Variants in LDHC observed in about 807,000 individuals in gnomAD.
The protein encoded by LDHC is L-lactate dehydrogenase C chain.
LDHC carries 20 observed loss-of-function variants against 30.2 expected under a neutral mutation model. That is an observed-to-expected ratio of 0.66 (90% CI 0.47 to 0.96). The LOEUF (loss-of-function observed/expected upper bound fraction) is 0.96. Among genes scored for constraint, LDHC ranks in the 40% least tolerant of loss-of-function variants. The pLI is 0.00. For missense variants in LDHC, 362 were observed against 394.9 expected (o/e 0.92, Z 0.71); for synonymous variants, 139 against 132.7 (o/e 1.05, Z -0.32).
chr11:18,438,222 A>G (rs1848392488), intron 5 of LDHC, among the ~76,000 whole-genome samples: 2 of 152,164 alleles, frequency 1.3e-5, no homozygotes, highest in South Asian at 4.1e-4. Flanking sequence ...GATGTGTCAC[A>G]TAGTGAGGGC....
chr11:18,413,478 T>C (rs1866940770), intron 2 of LDHC, among the ~76,000 whole-genome samples: 1 of 148,458 alleles, frequency 6.7e-6, no homozygotes, highest in Non-Finnish European at 1.5e-5. Flanking sequence ...TTTTTTTTTT[T>C]TTTGAGACGG....
intron 3 of LDHC, among the ~76,000 whole-genome samples, chr11:18,429,475 G>A (rs1278055566): frequency 6.6e-6 from 1 of 152,076 alleles, no homozygotes; most frequent in East Asian, 1.9e-4. Context: ...CATAACACAG[G>A]GGAATTTGGG....
At chr11:18,432,767 T>C (rs1848290386) in intron 4 of LDHC, among the ~76,000 whole-genome samples, 1 of 152,210 alleles carries the variant, frequency 6.6e-6, no homozygotes, top group South Asian at 2.1e-4. Flanking sequence ...TTTCGTCTGA[T>C]ATGAGAGTAT....
intron 7 of LDHC, chr11:18,450,057 A>G (rs1166230357): frequency 6.6e-6 from 1 of 150,860 alleles, no homozygotes; most frequent in Non-Finnish European, 1.5e-5. Context: ...TTTTTTTTTA[A>G]CTGGGTGTCT....
intron 5 of LDHC, among the ~76,000 whole-genome samples, chr11:18,435,345 C>G (rs141545950): frequency 7.6e-4 from 115 of 152,096 alleles, no homozygotes; most frequent in African/African-American, 2.7e-3. Flanking sequence ...CACCATCTGC[C>G]TTAGTACTGT....
intron 3 of LDHC, among the ~76,000 whole-genome samples, chr11:18,416,283 C>T (rs1427694461): frequency 6.6e-6 from 1 of 151,776 alleles, no homozygotes; most frequent in Non-Finnish European, 1.5e-5. Flanking sequence ...TATAGTGAAC[C>T]AGGTTTCAAG....
chr11:18,437,725 C>T (rs1848380670), intron 5 of LDHC, among the ~76,000 whole-genome samples: 1 of 146,694 alleles, frequency 6.8e-6, no homozygotes, highest in African/African-American at 2.5e-5. Flanking sequence ...GCACTCTAGC[C>T]TGGGCGACAG....
chr11:18,419,633 A>G (rs922362545), intron 3 of LDHC, among the ~76,000 whole-genome samples: 1 of 152,260 alleles, frequency 6.6e-6, no homozygotes. Context: ...AAGAACCAGC[A>G]TAACAGAAAC....
At chr11:18,434,652 C>T in intron 4 of LDHC, 88 bp from the exon 5 acceptor site, 2 of 736,056 alleles carry the variant, frequency 2.7e-6, no homozygotes, top group Non-Finnish European at 4.7e-6. Flanking sequence ...GTATTTGACT[C>T]TAAAACAATT....
At position 18,429,758 on chromosome 11, in the gene LDHC, C is replaced by T. The variant is rs756367246; in HGVS notation, c.266C>T (p.Ser89Phe). The T allele has an allele frequency of 1.2e-6, 2 of 1,609,088 alleles. No homozygotes were observed. The highest frequency in any genetic ancestry group is 8.5e-7 in the Non-Finnish European group (1 of 1,176,462). The change falls in exon 4 of 8, where the codon TCC becomes TTC. Residue 89 changes from serine to phenylalanine, a missense_variant. Physicochemically the swap from Ser to Phe is radical, Grantham distance 155. Coordinates refer to ENST00000541669, the MANE Select transcript of LDHC (RefSeq NM_017448.5). ...SGKDYSVSAN[S>F]RIVIVTAGAR... The stretch of plus-strand genomic sequence containing the variant: ...TTAGATTACAGTGTATCTGCAAACT[C>T]CAGAATAGTTATTGTCACAGCAGGT...
chr11:18,447,540 G>T (rs1424127591), intron 7 of LDHC, among the ~76,000 whole-genome samples: 1 of 152,078 alleles, frequency 6.6e-6, no homozygotes, highest in Admixed American at 6.6e-5. Flanking sequence ...GAAAGAAAGG[G>T]AATTTTGGTT....
chr11:18,428,166 C>CTTTTTTTTTTT (rs35861956), intron 3 of LDHC, among the ~76,000 whole-genome samples: 10 of 94,830 alleles, frequency 1.1e-4, no homozygotes, highest in Non-Finnish European at 1.4e-4. Context: ...CTTTCTCTCT[C>CTTTTTTTTTTT]TTTTTTTTTT....
intron 2 of LDHC, among the ~76,000 whole-genome samples, chr11:18,413,838 C>A (rs1866951671): frequency 6.6e-6 from 1 of 152,136 alleles, no homozygotes. Context: ...GAATACACTC[C>A]TTGTATATAG....
intron 3 of LDHC, among the ~76,000 whole-genome samples, chr11:18,422,241 G>A (rs529295794): frequency 6.8e-6 from 1 of 147,144 alleles, no homozygotes; most frequent in East Asian, 2.1e-4. Flanking sequence ...AGTTTAGCAA[G>A]GATGACAGAC....
intron 4 of LDHC, 29 bp downstream of exon 4, chr11:18,429,939 A>C: frequency 7.1e-7 from 1 of 1,407,346 alleles, no homozygotes; most frequent in South Asian, 1.2e-5. Flanking sequence ...ATTCTATTGC[A>C]TAAGGATGAT....
At chr11:18,417,702 T>G (rs1226066122) in intron 3 of LDHC, among the ~76,000 whole-genome samples, 16 of 152,208 alleles carry the variant, frequency 1.1e-4, no homozygotes, top group Admixed American at 1.0e-3. Flanking sequence ...AGAAGGACAA[T>G]TTTTAAACAA....
At chr11:18,414,446 C>T (rs1417483048) in intron 2 of LDHC, among the ~76,000 whole-genome samples, 1 of 152,184 alleles carries the variant, frequency 6.6e-6, no homozygotes, top group African/African-American at 2.4e-5. Flanking sequence ...AAGTGTTCAT[C>T]AGAGGTGGTT....
chr11:18,435,083 G>T (rs1031880863), intron 5 of LDHC, among the ~76,000 whole-genome samples, 170 bp downstream of exon 5: 2 of 152,172 alleles, frequency 1.3e-5, no homozygotes, highest in African/African-American at 4.8e-5. Context: ...TTGCATCATT[G>T]ATTTAGCTAT....
intron 3 of LDHC, among the ~76,000 whole-genome samples, chr11:18,420,758 A>AAGAAAAGT (rs147115286): frequency 0.02 from 3,113 of 152,198 alleles, 40 homozygotes; most frequent in Non-Finnish European, 0.03. Context: ...TATCAGGCAA[A>AAGAAAAGT]AGAAAAGTGA....
Sources: gnomAD v4.1 joint callset for allele counts (sites outside exome capture counted in the v4.1 genomes callset) on GRCh38, gnomAD v4.1.1 for gene constraint, MANE v1.5 for transcripts, NCBI Gene and HGNC (gene_info 2026-07-23, HGNC 2026-07-21) for gene names.